Variants in AGBL2 observed in about 807,000 individuals in gnomAD.
AGBL2 encodes AGBL carboxypeptidase 2, also known as cytosolic carboxypeptidase 2.
In AGBL2, 87 loss-of-function variants were observed where a neutral mutation model predicts 103.0. The observed-to-expected ratio is 0.84, with a 90% CI of 0.71 to 1.01. The LOEUF is 1.01. Among genes scored for constraint, AGBL2 ranks in the 50% least tolerant of loss-of-function variants. The probability of loss-of-function intolerance (pLI) is 0.00; values close to 1 mark genes in which losing one functional copy is unlikely to be tolerated. For missense variants in AGBL2, 904 were observed against 1,023.5 expected (o/e 0.88, Z 1.59); for synonymous variants, 335 against 356.7 (o/e 0.94, Z 0.69).
chr11:47,668,931 G>A (rs1310274571), intron 14 of AGBL2, 24 bp from the exon 15 acceptor site: 2 of 1,570,672 alleles, frequency 1.3e-6, no homozygotes, highest in Non-Finnish European at 1.8e-6. Context: ...AAAAAAAGAA[G>A]AGGAAATAAC....
At chr11:47,711,668 G>A (rs954522779) in intron 3 of AGBL2, among the ~76,000 whole-genome samples, 1 of 152,162 alleles carries the variant, frequency 6.6e-6, no homozygotes, top group African/African-American at 2.4e-5. Context: ...CGAGTAGCTG[G>A]GATTACAGGC....
intron 16 of AGBL2, 54 bp from the exon 17 acceptor site, chr11:47,667,117 C>A (rs867961266): frequency 3.2e-6 from 4 of 1,232,826 alleles, no homozygotes; most frequent in Middle Eastern, 2.3e-4. Flanking sequence ...AAAATTGATC[C>A]AATTTACCCA....
At chr11:47,667,473 C>T (rs2097344381) in intron 16 of AGBL2, 98 bp downstream of exon 16, 3 of 1,404,940 alleles carry the variant, frequency 2.1e-6, no homozygotes, top group Admixed American at 4.2e-5. Flanking sequence ...AATCTCCATC[C>T]CCTTTTTGGT....
intron 11 of AGBL2, among the ~76,000 whole-genome samples, chr11:47,685,202 G>A (rs1299846914): frequency 6.6e-5 from 10 of 151,442 alleles, no homozygotes; most frequent in East Asian, 5.8e-4. Flanking sequence ...GCGAGACTCC[G>A]TCTCAAAAAA....
At chr11:47,678,330 A>ATTATT (rs1565026506) in intron 13 of AGBL2, among the ~76,000 whole-genome samples, 2 of 114,372 alleles carry the variant, frequency 1.7e-5, no homozygotes, top group Non-Finnish European at 4.1e-5. Context: ...ATTTTATTTT[A>ATTATT]TTTTATTATT....
At chr11:47,668,515 G>C (rs2097347883) in intron 15 of AGBL2, among the ~76,000 whole-genome samples, 1 of 151,874 alleles carries the variant, frequency 6.6e-6, no homozygotes, top group South Asian at 2.1e-4. Flanking sequence ...AAACACAAAG[G>C]GGCACTTATA....
chr11:47,670,573 A>G (rs1447369237), intron 14 of AGBL2, among the ~76,000 whole-genome samples: 1 of 152,096 alleles, frequency 6.6e-6, no homozygotes, highest in African/African-American at 2.4e-5. Flanking sequence ...GTTTTGAATG[A>G]GGCCAGGCAT....
intron 14 of AGBL2, among the ~76,000 whole-genome samples, chr11:47,675,861 C>T (rs1431599026): frequency 6.6e-6 from 1 of 151,976 alleles, no homozygotes; most frequent in African/African-American, 2.4e-5. Flanking sequence ...CAAAAATTAA[C>T]CGGGCATGAT....
At chr11:47,665,734 G>T (rs2097339661) in intron 17 of AGBL2, among the ~76,000 whole-genome samples, 1 of 152,112 alleles carries the variant, frequency 6.6e-6, no homozygotes, top group African/African-American at 2.4e-5. Context: ...GTTTGGCCAG[G>T]CGTAGTGGCT....
At chr11:47,703,040 C>T (rs930889289) in intron 7 of AGBL2, among the ~76,000 whole-genome samples, 13 of 152,040 alleles carry the variant, frequency 8.6e-5, no homozygotes, top group African/African-American at 3.1e-4. Flanking sequence ...TGTACTTGCT[C>T]CAAGAGCTCA....
intron 3 of AGBL2, among the ~76,000 whole-genome samples, chr11:47,711,344 G>A (rs558070654): frequency 6.6e-6 from 1 of 152,158 alleles, no homozygotes; most frequent in East Asian, 1.9e-4. Context: ...AATTCTGAGG[G>A]CAACTCAGAG....
chr11:47,682,579 G>A (rs1434140321), intron 11 of AGBL2, among the ~76,000 whole-genome samples: 1 of 152,052 alleles, frequency 6.6e-6, no homozygotes, highest in Non-Finnish European at 1.5e-5. Flanking sequence ...ATCTAGTTGT[G>A]TTTATCTTCT....
intron 4 of AGBL2, among the ~76,000 whole-genome samples, chr11:47,709,714 A>G (rs1277937526): frequency 6.6e-6 from 1 of 151,042 alleles, no homozygotes; most frequent in Non-Finnish European, 1.5e-5. Flanking sequence ...CAGCCTCCCC[A>G]GTAGCTGGGA....
At position 47,693,509 on chromosome 11, in the gene AGBL2, C is replaced by A. The variant is rs184682740; in HGVS notation, c.695-1253G>T. ...TTTCTCCACTGAACAGTCTTGGCAC[C>A]CTTGTCAAAAATGAATTGACCAAAA... is the stretch of plus-strand genomic sequence containing the variant. On this transcript the variant is annotated intron_variant, in intron 8 of 18. Coordinates refer to ENST00000525123, the MANE Select transcript of AGBL2 (RefSeq NM_024783.4). Among the ~76,000 whole-genome samples the A allele has an allele frequency of 2.0e-3, 302 of 148,752 alleles. 1 individual carries two copies. Among genetic ancestry groups the A allele is most frequent in the Non-Finnish European group, 3.1e-3 (208 of 67,494 alleles).
intron 14 of AGBL2, among the ~76,000 whole-genome samples, chr11:47,673,647 C>T (rs1194022997): frequency 6.7e-6 from 1 of 148,394 alleles, no homozygotes; most frequent in African/African-American, 2.5e-5. Context: ...AAAAAATTAG[C>T]AGGCATGGTG....
chr11:47,686,731 T>C (rs2869540), intron 10 of AGBL2, among the ~76,000 whole-genome samples: 142,833 of 151,410 alleles, frequency 0.94, 67,904 homozygotes, highest in East Asian at 1. Flanking sequence ...TAGGCTGAGG[T>C]GGGTGGATCA....
intron 10 of AGBL2, among the ~76,000 whole-genome samples, chr11:47,687,058 G>C (rs928957772): frequency 1.3e-5 from 2 of 149,132 alleles, no homozygotes; most frequent in Non-Finnish European, 3.0e-5. Context: ...CAGCACACCA[G>C]CATGGCACAT....
At position 47,692,126 on chromosome 11, in the gene AGBL2, C is replaced by A. The variant is rs1490410515; in HGVS notation, c.825G>T (p.Gly275=). ...ACACTCTGACAGCTTTTTGCAGATT[C>A]CCACTCTCAAACCTTGATTCAAACA... is the stretch of plus-strand genomic sequence containing the variant. ...TLLFESRFES[G]NLQKAVRVDT... is the part of the protein sequence containing the mutation. Residue 275 remains glycine (G), a synonymous_variant, in exon 9 of 19, where the codon GGG becomes GGT. Transcript: ENST00000525123. 5 of 1,611,766 alleles carry A rather than the reference C, an allele frequency of 3.1e-6. No homozygotes were observed. Among genetic ancestry groups the A allele is most frequent in the Non-Finnish European group, 4.2e-6 (5 of 1,178,592 alleles).
At chr11:47,696,010 CAAAAAAAAAAAAAAAAAAAAAAAAAAGAA>C (rs892450939) in intron 8 of AGBL2, among the ~76,000 whole-genome samples, 11 of 17,218 alleles carry the variant, frequency 6.4e-4, no homozygotes, top group African/African-American at 2.6e-3. Flanking sequence ...ACTAAAAATA[CAAAAAAAAAAAAAAAAAAAAAAAAAAGAA>C]AAAAAAAAAT....
Sources: allele counts gnomAD v4.1 joint callset (sites outside exome capture counted in the v4.1 genomes callset), GRCh38; gene constraint gnomAD v4.1.1; transcripts MANE v1.5; gene names NCBI Gene and HGNC (gene_info 2026-07-23, HGNC 2026-07-21).